The following AKT3 variants were observed in gnomAD, a reference collection of about 807,000 sequenced individuals.
AKT3 encodes AKT serine/threonine kinase 3.
In AKT3, 15 loss-of-function variants were observed where a neutral mutation model predicts 65.3. The ratio of observed to expected loss-of-function variants is 0.23; its 90% CI spans 0.15 to 0.35. The LOEUF is 0.35. AKT3 is among the 10% of genes least tolerant of loss of function. The pLI is 1.00. For missense variants in AKT3, 243 were observed against 576.5 expected (o/e 0.42, Z 5.92); for synonymous variants, 206 against 183.8 (o/e 1.12, Z -0.98).
At chr1:243,838,290 T>C (rs1230150795) in intron 2 of AKT3, among the ~76,000 whole-genome samples, 1 of 152,092 alleles carries the variant, frequency 6.6e-6, no homozygotes, top group Non-Finnish European at 1.5e-5. Flanking sequence ...TTTTCTTATG[T>C]TTACTCTCCA....
At chr1:243,821,097 C>T (rs1409806783) in intron 2 of AKT3, among the ~76,000 whole-genome samples, 1 of 152,118 alleles carries the variant, frequency 6.6e-6, no homozygotes, top group African/African-American at 2.4e-5. Flanking sequence ...CAGCAGAAAC[C>T]CTACAAGCTA....
chr1:243,537,643 A>G (rs1056666193), intron 12 of AKT3, among the ~76,000 whole-genome samples: 2 of 152,154 alleles, frequency 1.3e-5, no homozygotes, highest in African/African-American at 4.8e-5. Context: ...TATTCCAACA[A>G]AACTTGAAAA....
chr1:243,716,831 T>C (rs980818288), intron 2 of AKT3, among the ~76,000 whole-genome samples: 5 of 152,198 alleles, frequency 3.3e-5, no homozygotes, highest in African/African-American at 7.2e-5. Context: ...TAGTGCTCTA[T>C]TAGAACTCTT....
downstream of AKT3, among the ~76,000 whole-genome samples, chr1:243,496,619 C>T (rs529463507): frequency 2.6e-5 from 4 of 152,290 alleles, no homozygotes; most frequent in Admixed American, 6.5e-5. Context: ...GTGCGAAGCC[C>T]GGGCAGGTCT....
At chr1:243,848,381 T>C (rs931996126) in intron 1 of AKT3, among the ~76,000 whole-genome samples, 4 of 152,182 alleles carry the variant, frequency 2.6e-5, no homozygotes, top group Admixed American at 2.6e-4. Flanking sequence ...TAGTAATAAG[T>C]TGCTATTTTA....
intron 2 of AKT3, among the ~76,000 whole-genome samples, chr1:243,748,557 T>C (rs1040939781): frequency 1.3e-5 from 2 of 152,106 alleles, no homozygotes; most frequent in African/African-American, 4.8e-5. Flanking sequence ...AATAAAACAA[T>C]ATAAAGAAAA....
At chr1:243,557,381 C>T (rs529039556) in intron 10 of AKT3, among the ~76,000 whole-genome samples, 1 of 151,788 alleles carries the variant, frequency 6.6e-6, no homozygotes, top group African/African-American at 2.4e-5. Context: ...AGAATCACAC[C>T]GAAGTACTGA....
chr1:243,808,660 G>A (rs550099811), intron 2 of AKT3, among the ~76,000 whole-genome samples: 19 of 152,180 alleles, frequency 1.2e-4, no homozygotes, highest in Non-Finnish European at 4.4e-5. Context: ...CCAACATTCA[G>A]ATTCAGGAAA....
intron 2 of AKT3, among the ~76,000 whole-genome samples, chr1:243,761,746 A>C (rs1220031326): frequency 6.6e-6 from 1 of 152,220 alleles, no homozygotes; most frequent in African/African-American, 2.4e-5. Context: ...TTTAATAAGA[A>C]GTAACTGTTA....
intron 4 of AKT3, among the ~76,000 whole-genome samples, chr1:243,663,538 G>C (rs1682543996): frequency 6.6e-6 from 1 of 152,020 alleles, no homozygotes; most frequent in East Asian, 1.9e-4. Flanking sequence ...TATATGAAAG[G>C]CCTAATTACG....
chr1:243,557,219 T>C (rs922584456), intron 10 of AKT3, among the ~76,000 whole-genome samples: 5 of 152,110 alleles, frequency 3.3e-5, no homozygotes, highest in Non-Finnish European at 5.9e-5. Flanking sequence ...GCAATAGACA[T>C]TATGGGATTC....
chr1:243,751,018 T>C (rs368194584), intron 2 of AKT3, among the ~76,000 whole-genome samples: 2 of 152,236 alleles, frequency 1.3e-5, no homozygotes, highest in East Asian at 1.9e-4. Context: ...GAAAGTGAGA[T>C]AATGCTTTGG....
At chr1:243,743,058 T>TGGCC (rs1688259722) in intron 2 of AKT3, among the ~76,000 whole-genome samples, 1 of 152,170 alleles carries the variant, frequency 6.6e-6, no homozygotes. Flanking sequence ...CCCAATTCAC[T>TGGCC]GGCCAGAAAT....
chr1:243,591,128 C>T (rs1055081025), intron 8 of AKT3, among the ~76,000 whole-genome samples: 1 of 151,310 alleles, frequency 6.6e-6, no homozygotes, highest in South Asian at 2.1e-4. Flanking sequence ...AGACAGAGCT[C>T]GAGAGATCTA....
chr1:243,822,591 A>C (rs1693925808), intron 2 of AKT3, among the ~76,000 whole-genome samples: 1 of 152,154 alleles, frequency 6.6e-6, no homozygotes, highest in South Asian at 2.1e-4. Flanking sequence ...AAAAATGATA[A>C]AGGGGACATC....
intron 8 of AKT3, among the ~76,000 whole-genome samples, chr1:243,575,852 A>C (rs1420759727): frequency 1.3e-5 from 2 of 152,164 alleles, no homozygotes; most frequent in Non-Finnish European, 2.9e-5. Flanking sequence ...AAAATTTAGA[A>C]AGCATTAATA....
intron 8 of AKT3, among the ~76,000 whole-genome samples, chr1:243,609,954 T>A (rs1677747531): frequency 6.6e-6 from 1 of 152,160 alleles, no homozygotes; most frequent in East Asian, 1.9e-4. Flanking sequence ...ATCTATCTGT[T>A]ATGATAGAAG....
In AKT3 at chr1:243,807,262, G is replaced by A. The variant is rs569859080; in HGVS notation, c.46+35863C>T. ...TCACCTCACCCGGGAAGCACAAGGC[G>A]TCAGGGAATTCCCTTTCCTAGCCAA... On this transcript the variant is annotated intron_variant, in intron 2 of 13. Coordinates refer to ENST00000673466, the MANE Select transcript of AKT3 (RefSeq NM_005465.7). Among the ~76,000 whole-genome samples, 90 of 152,320 alleles carry A rather than the reference G, an allele frequency of 5.9e-4. 2 individuals carry two copies. In the South Asian group the frequency reaches 0.011, roughly 18 times the overall value.
At chr1:243,509,033 A>G (rs1045536080) in intron 13 of AKT3, among the ~76,000 whole-genome samples, 2 of 152,142 alleles carry the variant, frequency 1.3e-5, no homozygotes, top group Non-Finnish European at 2.9e-5. Context: ...CTTGAAAGTT[A>G]CTACAATGTA....
Sources: allele counts gnomAD v4.1 joint callset (sites outside exome capture counted in the v4.1 genomes callset), GRCh38; gene constraint gnomAD v4.1.1; transcripts MANE v1.5; gene names NCBI Gene and HGNC (gene_info 2026-07-23, HGNC 2026-07-21).